The following RTL4 variants were observed in gnomAD, a reference collection of about 807,000 sequenced individuals.
RTL4 encodes the protein retrotransposon Gag-like protein 4.
RTL4 carries 4 observed loss-of-function variants against 5.3 expected under a neutral mutation model. The observed-to-expected ratio is 0.75, with a 90% CI of 0.37 to 1.72. The LOEUF is 1.72. Among genes scored for constraint, RTL4 ranks in the 40% most tolerant of loss-of-function variants. The pLI, the probability that RTL4 is intolerant of heterozygous loss-of-function variation, is 0.04. For synonymous variants in RTL4, 98 were observed against 87.3 expected (o/e 1.12, Z -0.68); for missense variants, 260 against 227.1 (o/e 1.14, Z -0.93).
At chrX:112,161,844 C>CCTTCCTTCCTTTCTTT in the RTL4 span, among the ~76,000 whole-genome samples, 40 of 40,047 alleles carry the variant, frequency 1.0e-3, no homozygotes, top group African/African-American at 4.3e-3. Context: ...TTCCTTCCTT[C>CCTTCCTTCCTTTCTTT]CTTTCTTTCT....
chrX:112,364,268 C>T, the RTL4 span, among the ~76,000 whole-genome samples: 3 of 111,672 alleles, frequency 2.7e-5, no homozygotes, highest in Non-Finnish European at 5.7e-5. Flanking sequence ...GTTTAGGTGA[C>T]TGTGTGGTTT....
At chrX:112,447,092 C>T in the RTL4 span, among the ~76,000 whole-genome samples, 4 of 111,592 alleles carry the variant, frequency 3.6e-5, no homozygotes, top group African/African-American at 9.8e-5. Context: ...ACTGCAATAA[C>T]TAATTGCAAG....
At chrX:112,326,482 C>T in the RTL4 span, among the ~76,000 whole-genome samples, 128 of 112,018 alleles carry the variant, frequency 1.1e-3, no homozygotes, top group African/African-American at 4.0e-3. Context: ...GATTATATCC[C>T]GCACGTGGCT....
At chrX:112,232,893 C>T in the RTL4 span, among the ~76,000 whole-genome samples, 3 of 110,783 alleles carry the variant, frequency 2.7e-5, no homozygotes, top group African/African-American at 6.6e-5. Flanking sequence ...TGAGGTAAGG[C>T]CAAAAATCCT....
the RTL4 span, among the ~76,000 whole-genome samples, chrX:112,202,167 A>T: frequency 9.0e-6 from 1 of 111,655 alleles, no homozygotes; most frequent in South Asian, 3.8e-4. Context: ...TCTATAACAA[A>T]TATGTGCGTC....
the RTL4 span, among the ~76,000 whole-genome samples, chrX:112,186,830 C>T: frequency 8.9e-6 from 1 of 112,133 alleles, no homozygotes; most frequent in African/African-American, 3.2e-5. Flanking sequence ...ACATCTAGCC[C>T]TTACCTTTCT....
the RTL4 span, among the ~76,000 whole-genome samples, chrX:112,350,656 A>G: frequency 9.0e-6 from 1 of 111,261 alleles, no homozygotes; most frequent in East Asian, 2.8e-4. Context: ...ATTTGCGTAG[A>G]GGTGTTTGTA....
the RTL4 span, among the ~76,000 whole-genome samples, chrX:112,273,039 A>G: frequency 9.2e-6 from 1 of 108,962 alleles, no homozygotes; most frequent in African/African-American, 3.6e-5. Flanking sequence ...AAATTTCACA[A>G]TAACTGTCAA....
chrX:112,320,306 C>A, the RTL4 span: 18 of 110,607 alleles, frequency 1.6e-4, no homozygotes, highest in African/African-American at 5.6e-4. Flanking sequence ...ACCTGCAGTG[C>A]CGTTGGATGT....
At chrX:112,439,576 C>T in the RTL4 span, among the ~76,000 whole-genome samples, 21 of 111,768 alleles carry the variant, frequency 1.9e-4, no homozygotes, top group South Asian at 3.8e-4. Flanking sequence ...GCCAATACCC[C>T]TTGGTATAGT....
chrX:112,269,417 C>A, the RTL4 span, among the ~76,000 whole-genome samples: 1 of 111,183 alleles, frequency 9.0e-6, no homozygotes. Context: ...GCTCTTACAG[C>A]CCAAATATCT....
At chrX:112,283,424 G>C in the RTL4 span, among the ~76,000 whole-genome samples, 2 of 111,671 alleles carry the variant, frequency 1.8e-5, no homozygotes, top group African/African-American at 6.5e-5. Context: ...CAGAGAGAAA[G>C]ACTGGTAAAG....
At chrX:112,184,310 C>G in the RTL4 span, among the ~76,000 whole-genome samples, 1 of 110,363 alleles carries the variant, frequency 9.1e-6, no homozygotes. Flanking sequence ...ATGCAACAAA[C>G]CTGCACGTTG....
At chrX:112,334,673 A>G in the RTL4 span, among the ~76,000 whole-genome samples, 1 of 112,216 alleles carries the variant, frequency 8.9e-6, no homozygotes, top group Non-Finnish European at 1.9e-5. Context: ...ATGTTTAATA[A>G]ATAAACATTT....
chrX:112,200,875 CAA>C, the RTL4 span, among the ~76,000 whole-genome samples: 1 of 111,512 alleles, frequency 9.0e-6, no homozygotes, highest in East Asian at 2.8e-4. Context: ...GATAGAAAAG[CAA>C]AAGAGTTGGA....
chrX:112,354,397 A>C, the RTL4 span, among the ~76,000 whole-genome samples: 5 of 111,577 alleles, frequency 4.5e-5, no homozygotes, highest in Non-Finnish European at 9.4e-5. Flanking sequence ...TAAATGGATT[A>C]ATATTTGTAA....
At chrX:112,415,585 C>T in the RTL4 span, among the ~76,000 whole-genome samples, 5,620 of 109,866 alleles carry the variant, frequency 0.051, 131 homozygotes, top group African/African-American at 0.081. Flanking sequence ...GTGTATATAC[C>T]TTAGAAATTA....
At chrX:112,207,044 C>T in the RTL4 span, among the ~76,000 whole-genome samples, 2 of 111,908 alleles carry the variant, frequency 1.8e-5, no homozygotes, top group African/African-American at 6.5e-5. Flanking sequence ...CTCAATCTCT[C>T]CTGTTACCAA....
the RTL4 span, among the ~76,000 whole-genome samples, chrX:112,086,477 A>G: frequency 3.6e-4 from 40 of 112,475 alleles, no homozygotes; most frequent in African/African-American, 1.3e-3. Flanking sequence ...GGGTTTTAAC[A>G]CTCAGCACTA....
Sources: allele counts gnomAD v4.1 joint callset (sites outside exome capture counted in the v4.1 genomes callset), GRCh38; gene constraint gnomAD v4.1.1; transcripts MANE v1.5; gene names NCBI Gene and HGNC (gene_info 2026-07-23, HGNC 2026-07-21).